TNFSF11: variants seen among roughly 807,000 people sequenced by gnomAD.
TNFSF11 encodes the protein tumor necrosis factor ligand superfamily member 11.
A neutral mutation model predicts 32.2 loss-of-function variants in TNFSF11; 12 were observed. The observed-to-expected ratio is 0.37, with a 90% CI of 0.24 to 0.60. The LOEUF is 0.60. TNFSF11 is among the 20% of genes least tolerant of loss of function. The probability of loss-of-function intolerance (pLI) is 0.66; values close to 1 mark genes in which losing one functional copy is unlikely to be tolerated. For missense variants in TNFSF11, 345 were observed against 398.0 expected, an observed-to-expected ratio of 0.87 and a Z score of 1.13; for synonymous variants, 172 against 152.1, an observed-to-expected ratio of 1.13 and a Z score of -0.96.
upstream of TNFSF11, among the ~76,000 whole-genome samples, chr13:42,573,715 A>G (rs1268080781): frequency 6.6e-6 from 1 of 152,098 alleles, no homozygotes; most frequent in Non-Finnish European, 1.5e-5. Context: ...CTTTGGGGGG[A>G]GAGGTTGGAC....
chr13:42,600,564 C>G (rs184778372), intron 2 of TNFSF11, among the ~76,000 whole-genome samples, 188 bp from the exon 3 acceptor site: 2 of 152,290 alleles, frequency 1.3e-5, no homozygotes. Context: ...CACATCAACA[C>G]CAATTCTTTT....
rs569865261 is a variant in TNFSF11 at position 42,585,780 on chromosome 13, A to G, written c.387+4487A>G. Among the ~76,000 whole-genome samples the G allele has an allele frequency of 3.3e-5, 5 of 152,308 alleles. No individual in the cohort carries two copies. In the East Asian group the frequency reaches 5.8e-4, roughly 18 times the overall value. ...AAAGCCATCTGTTTATGCACTTACT[A>G]TACATTCTGAGCACTTGAGCTGTGA... On this transcript the variant is annotated intron_variant, in intron 2 of 4. Coordinates refer to ENST00000398795, the MANE Select transcript of TNFSF11 (RefSeq NM_003701.4).
At position 42,606,622 on chromosome 13, in the gene TNFSF11, A is replaced by G. The variant is rs764876340; in HGVS notation, c.658A>G (p.Ile220Val). The G allele has an allele frequency of 6.2e-7, 1 of 1,614,214 alleles. No individual in the cohort carries two copies. The highest frequency in any genetic ancestry group is 8.5e-7 in the Non-Finnish European group (1 of 1,180,036). The change falls in exon 5 of 5, where the codon ATT (isoleucine) becomes GTT (valine). Residue 220 changes from isoleucine (I) to valine (V), a missense_variant. By Grantham distance (29) the Ile-to-Val change is conservative. This residue lies in a region of TNFSF11 where 148 missense variants were observed against 216.0 expected (regional missense o/e 0.69). Transcript: ENST00000398795. Reference protein sequence around the residue: ...QDGFYYLYANICFRHHETSGD... With the variant: ...QDGFYYLYANVCFRHHETSGD... The stretch of plus-strand genomic sequence containing the variant: ...TGGCTTTTATTACCTGTATGCCAAC[A>G]TTTGCTTTCGACATCATGAAACTTC...
At chr13:42,587,840 A>G (rs372571476) in intron 2 of TNFSF11, among the ~76,000 whole-genome samples, 1 of 152,238 alleles carries the variant, frequency 6.6e-6, no homozygotes, top group Non-Finnish European at 1.5e-5. Context: ...AACTAATGTA[A>G]ATAAGAAATC....
At chr13:42,589,500 A>G (rs1268436535) in intron 2 of TNFSF11, among the ~76,000 whole-genome samples, 1 of 152,182 alleles carries the variant, frequency 6.6e-6, no homozygotes, top group Admixed American at 6.5e-5. Flanking sequence ...CCTTCAGTAG[A>G]TCGCTGTGGT....
rs779363839 is a variant in TNFSF11 at position 42,606,535 on chromosome 13, C to A, written c.571C>A (p.Arg191=). ...KVSLSSWYHD[R]GWAKISNMTF... Reference sequence around the variant, plus strand: ...GAGTCTGTCCTCTTGGTACCATGATCGGGGTTGGGCCAAGATCTCCAACAT... The same window carrying A: ...GAGTCTGTCCTCTTGGTACCATGATAGGGGTTGGGCCAAGATCTCCAACAT... Residue 191 remains arginine, a synonymous_variant, in exon 5 of 5, where the codon CGG becomes AGG. Coordinates refer to ENST00000398795, the MANE Select transcript of TNFSF11 (RefSeq NM_003701.4). 6.2e-7 allele frequency: 1 copy of A among 1,614,164 alleles called. No individual in the cohort carries two copies. The highest frequency in any genetic ancestry group is 1.1e-5 in the South Asian group (1 of 91,070).
At chr13:42,591,487 C>T (rs528910833) in intron 2 of TNFSF11, among the ~76,000 whole-genome samples, 20 of 152,238 alleles carry the variant, frequency 1.3e-4, no homozygotes, top group African/African-American at 2.2e-4. Context: ...CTCTGCTCTA[C>T]GGAACCTAGG....
At chr13:42,570,338 A>G (rs1873018434), upstream of TNFSF11, among the ~76,000 whole-genome samples, 1 of 152,218 alleles carries the variant, frequency 6.6e-6, no homozygotes, top group African/African-American at 2.4e-5. Context: ...CTTGTATCCA[A>G]CCATTCCTGA....
chr13:42,574,927 C>T (rs775513176), intron 1 of TNFSF11, among the ~76,000 whole-genome samples: 1 of 152,248 alleles, frequency 6.6e-6, no homozygotes, highest in Non-Finnish European at 1.5e-5. Context: ...AAGATGAGCG[C>T]CTTCACTTGG....
intron 1 of TNFSF11, among the ~76,000 whole-genome samples, chr13:42,576,659 A>G (rs1042665682): frequency 1.3e-5 from 2 of 152,338 alleles, no homozygotes; most frequent in East Asian, 1.9e-4. Context: ...AAGAAAAAAT[A>G]TTAGGAACAA....
chr13:42,589,886 A>G (rs1199535554), intron 2 of TNFSF11, among the ~76,000 whole-genome samples: 1 of 152,222 alleles, frequency 6.6e-6, no homozygotes, highest in African/African-American at 2.4e-5. Context: ...AGTCCTTTGT[A>G]TGCCACTCCA....
intron 2 of TNFSF11, among the ~76,000 whole-genome samples, chr13:42,568,855 A>T (rs1244243271): frequency 6.6e-6 from 1 of 152,222 alleles, no homozygotes; most frequent in Non-Finnish European, 1.5e-5. Context: ...GAGGGGCTGC[A>T]TATATATTTT....
At chr13:42,585,265 G>A (rs9533162) in intron 2 of TNFSF11, among the ~76,000 whole-genome samples, 55,621 of 152,108 alleles carry the variant, frequency 0.37, 11,174 homozygotes, top group East Asian at 0.45. Flanking sequence ...TATTTCTAAT[G>A]TAGATATTGA....
intron 4 of TNFSF11, among the ~76,000 whole-genome samples, chr13:42,605,133 A>T (rs897661697): frequency 2.0e-5 from 3 of 152,162 alleles, no homozygotes; most frequent in Admixed American, 1.3e-4. Context: ...CTAATCAGAG[A>T]GCTGTCAGTT....
intron 4 of TNFSF11, among the ~76,000 whole-genome samples, chr13:42,603,851 C>A (rs1231569872): frequency 6.6e-6 from 1 of 152,202 alleles, no homozygotes; most frequent in Non-Finnish European, 1.5e-5. Flanking sequence ...TAATTACGGG[C>A]AGACTGCCTG....
intron 2 of TNFSF11, among the ~76,000 whole-genome samples, chr13:42,568,014 G>A (rs1872929052): frequency 6.6e-6 from 1 of 152,202 alleles, no homozygotes; most frequent in South Asian, 2.1e-4. Context: ...AGTGATTTCT[G>A]TAACTTTCTC....
At chr13:42,603,765 T>C (rs889455519) in intron 4 of TNFSF11, among the ~76,000 whole-genome samples, 1 of 152,154 alleles carries the variant, frequency 6.6e-6, no homozygotes, top group Non-Finnish European at 1.5e-5. Context: ...AAAATGCATA[T>C]TTTATATGCT....
At position 42,607,171 on chromosome 13, in the gene TNFSF11, G is replaced by A; in HGVS notation, c.*253G>A. 2.1e-6 allele frequency: 1 copy of A among 476,314 alleles called. No individual in the cohort carries two copies. Among genetic ancestry groups the A allele is most frequent in the Non-Finnish European group, 3.7e-6 (1 of 269,474 alleles). 29.5% of individuals were successfully genotyped at this position (476,314 alleles called of 1,614,324 possible). A position where few individuals can be genotyped will look rare whatever the true frequency, so the allele number is the denominator to read the frequency against. ...ATTCCTAGAATTAAACCAGATTGGA[G>A]CAATTACGGGGTGACCTTATGAGAA... On this transcript the variant is annotated 3_prime_UTR_variant, in exon 5 of 5. Transcript: ENST00000398795.
chr13:42,574,633 C>A, intron 1 of TNFSF11, 111 bp downstream of exon 1: 2 of 1,329,520 alleles, frequency 1.5e-6, no homozygotes, highest in Non-Finnish European at 2.1e-6. Flanking sequence ...TTGCATATTC[C>A]GGAAGGGAAA....
Sources: allele counts gnomAD v4.1 joint callset (sites outside exome capture counted in the v4.1 genomes callset), GRCh38; gene constraint gnomAD v4.1.1; regional missense constraint gnomAD v4.1.1; transcripts MANE v1.5; gene names NCBI Gene and HGNC (gene_info 2026-07-23, HGNC 2026-07-21).